ST18: variants seen among roughly 807,000 people sequenced by gnomAD.
ST18 encodes ST18 C2H2C-type zinc finger transcription factor, also known as suppression of tumorigenicity 18 protein.
A neutral mutation model predicts 110.0 loss-of-function variants in ST18; 50 were observed. The observed-to-expected ratio is 0.45, with a 90% confidence interval of 0.36 to 0.58. The LOEUF (loss-of-function observed/expected upper bound fraction) is 0.58. Among genes scored for constraint, ST18 ranks in the 20% least tolerant of loss-of-function variants. The pLI is 0.00. For synonymous variants in ST18, 461 were observed against 452.4 expected (o/e 1.02, Z -0.24); for missense variants, 1,306 against 1,280.1 (o/e 1.02, Z -0.31).
At chr8:52,188,523 A>T (rs1217689836) in intron 8 of ST18, among the ~76,000 whole-genome samples, 1 of 152,246 alleles carries the variant, frequency 6.6e-6, no homozygotes, top group Non-Finnish European at 1.5e-5. Flanking sequence ...GCTGAGAACT[A>T]CAGACCATTT....
intron 2 of ST18, among the ~76,000 whole-genome samples, chr8:52,235,880 A>G (rs2092579548): frequency 6.6e-6 from 1 of 152,222 alleles, no homozygotes; most frequent in African/African-American, 2.4e-5. Context: ...CAGATCAATC[A>G]TATGCTACAA....
At chr8:52,309,476 G>A in intron 2 of ST18, among the ~76,000 whole-genome samples, 1 of 128,852 alleles carries the variant, frequency 7.8e-6, no homozygotes, top group African/African-American at 3.0e-5. Context: ...AGCCGAGATT[G>A]CACCATTGCA....
At chr8:52,193,541 C>T (rs2075255427) in intron 8 of ST18, among the ~76,000 whole-genome samples, 2 of 152,214 alleles carry the variant, frequency 1.3e-5, no homozygotes, top group South Asian at 4.1e-4. Context: ...CTTCTCTCTG[C>T]CCAGTCCCGC....
At chr8:52,142,339 A>T (rs1332198863) in intron 17 of ST18, among the ~76,000 whole-genome samples, 1 of 152,114 alleles carries the variant, frequency 6.6e-6, no homozygotes, top group African/African-American at 2.4e-5. Context: ...TACAGAAGAG[A>T]GGGTACAGTC....
Position 52,113,069 on chromosome 8 carries a change from T to C in ST18, c.*129A>G, listed in dbSNP as rs1056553. 3.0e-3 allele frequency: 3,119 copies of C among 1,041,660 alleles called. 73 individuals are homozygous for C. The African/African-American group carries it at 0.047, about 16-fold the overall frequency. The allele number at this position is 1,041,660 out of a possible 1,614,324, so 64.5% of individuals were successfully genotyped here. A position where few individuals can be genotyped will look rare whatever the true frequency, so the allele number is the denominator to read the frequency against. On this transcript the variant is annotated 3_prime_UTR_variant, in exon 26 of 26. Transcript: ENST00000689386. ...TTTATATCAGCTGGGGAAAATAAAA[T>C]TAGTGCAATGTTGCAAATTGTAAAT...
intron 2 of ST18, among the ~76,000 whole-genome samples, chr8:52,245,344 C>T (rs1180463792): frequency 1.3e-5 from 2 of 151,952 alleles, no homozygotes; most frequent in African/African-American, 4.8e-5. Context: ...TTTCAGTTTG[C>T]TTCTGCCTGT....
intron 25 of ST18, 88 bp from the exon 26 acceptor site, chr8:52,113,426 C>A: frequency 6.6e-7 from 1 of 1,511,730 alleles, no homozygotes; most frequent in Non-Finnish European, 9.0e-7. Context: ...ATCAGTGATC[C>A]GGGAGTCGGG....
At chr8:52,323,083 A>C (rs950491674) in intron 2 of ST18, among the ~76,000 whole-genome samples, 4 of 152,218 alleles carry the variant, frequency 2.6e-5, no homozygotes, top group Non-Finnish European at 4.4e-5. Context: ...CCAAGAAATC[A>C]GGATTCATTC....
At position 52,397,256 on chromosome 8, in the gene ST18, T is replaced by C. The variant is rs185036023; in HGVS notation, c.-465+12072A>G. Among the ~76,000 whole-genome samples the C allele has an allele frequency of 4.6e-5, 7 of 152,346 alleles. No individual in the cohort carries two copies. In the East Asian group the frequency reaches 7.7e-4, roughly 17 times the overall value. The stretch of plus-strand genomic sequence containing the variant: ...GTAATGTTGCACACCTCTTCATATA[T>C]ATGTTGGCCATTTTTATGTCTTTGG... On this transcript the variant is annotated intron_variant, in intron 2 of 25. Coordinates refer to ENST00000689386, the MANE Select transcript of ST18 (RefSeq NM_001352837.2).
intron 2 of ST18, among the ~76,000 whole-genome samples, chr8:52,392,121 A>G (rs912411902): frequency 5.9e-5 from 9 of 152,242 alleles, no homozygotes; most frequent in African/African-American, 2.2e-4. Flanking sequence ...TTTATGTGCC[A>G]GGATCTGTGT....
chr8:52,206,555 T>C (rs1204575232), intron 8 of ST18: 4 of 152,216 alleles, frequency 2.6e-5, no homozygotes, highest in Non-Finnish European at 5.9e-5. Context: ...CACAGAGGCA[T>C]GGACAAGGCC....
At chr8:52,371,987 TA>T (rs1035611348) in intron 2 of ST18, among the ~76,000 whole-genome samples, 3 of 152,036 alleles carry the variant, frequency 2.0e-5, no homozygotes, top group Non-Finnish European at 1.5e-5. Flanking sequence ...TCTGCTTATT[TA>T]AAAAAAAGTT....
chr8:52,293,387 T>C (rs761084809), intron 2 of ST18, among the ~76,000 whole-genome samples: 3 of 152,252 alleles, frequency 2.0e-5, no homozygotes, highest in Non-Finnish European at 2.9e-5. Context: ...GCACAGCACA[T>C]GTGCCACTGT....
At chr8:52,131,193 CA>C (rs2049426101) in intron 22 of ST18, among the ~76,000 whole-genome samples, 1 of 152,174 alleles carries the variant, frequency 6.6e-6, no homozygotes, top group Non-Finnish European at 1.5e-5. Flanking sequence ...TGCTTATATA[CA>C]AAACATTAAC....
chr8:52,276,855 C>T (rs1196695550), intron 2 of ST18, among the ~76,000 whole-genome samples: 2 of 151,724 alleles, frequency 1.3e-5, no homozygotes, highest in Admixed American at 6.6e-5. Flanking sequence ...CAACCTCTGC[C>T]TCCCGGGTTC....
intron 2 of ST18, among the ~76,000 whole-genome samples, chr8:52,287,040 C>T (rs568636262): frequency 1.3e-5 from 2 of 152,140 alleles, no homozygotes; most frequent in Non-Finnish European, 2.9e-5. Context: ...AAACAGGTTA[C>T]AGATTTTTTA....
chr8:52,216,460 A>G (rs2084261683), intron 6 of ST18, among the ~76,000 whole-genome samples: 2 of 152,224 alleles, frequency 1.3e-5, no homozygotes, highest in South Asian at 4.1e-4. Context: ...TTTCAAATTT[A>G]ACTTGTGGGT....
At chr8:52,238,269 G>T (rs377652539) in intron 2 of ST18, among the ~76,000 whole-genome samples, 5 of 152,038 alleles carry the variant, frequency 3.3e-5, no homozygotes, top group African/African-American at 1.2e-4. Flanking sequence ...ACAAATATTC[G>T]TAACAGCATT....
At chr8:52,137,682 A>T (rs899140414) in intron 17 of ST18, 199 bp from the exon 18 acceptor site, 1 of 510,924 alleles carries the variant, frequency 2.0e-6, no homozygotes, top group Non-Finnish European at 3.4e-6. Context: ...AAATCATAGC[A>T]TGATGAGTTA....
Sources: allele counts gnomAD v4.1 joint callset (sites outside exome capture counted in the v4.1 genomes callset), GRCh38; gene constraint gnomAD v4.1.1; transcripts MANE v1.5; gene names NCBI Gene and HGNC (gene_info 2026-07-23, HGNC 2026-07-21).